The following EXOC4 variants were observed in gnomAD, a reference collection of about 807,000 sequenced individuals.
EXOC4 encodes SEC8-like 1.
In EXOC4, 71 loss-of-function variants were observed where a neutral mutation model predicts 107.2. The observed-to-expected ratio is 0.66, with a 90% CI of 0.55 to 0.81. The LOEUF is 0.81. EXOC4 is among the 30% of genes least tolerant of loss of function. The probability of loss-of-function intolerance (pLI) is 0.00; values close to 1 mark genes in which losing one functional copy is unlikely to be tolerated. For missense variants in EXOC4, 1,108 were observed against 1,189.6 expected (o/e 0.93, Z 1.01); for synonymous variants, 456 against 441.2 (o/e 1.03, Z -0.42).
chr7:133,814,557 G>T (rs1321049852), intron 10 of EXOC4, among the ~76,000 whole-genome samples: 4 of 152,070 alleles, frequency 2.6e-5, no homozygotes, highest in Non-Finnish European at 5.9e-5. Context: ...GAGATTTCTG[G>T]GCGATAAAGA....
intron 9 of EXOC4, among the ~76,000 whole-genome samples, chr7:133,568,157 A>G (rs970807887): frequency 5.3e-5 from 8 of 151,918 alleles, no homozygotes; most frequent in African/African-American, 1.7e-4. Context: ...AGAACTTTTT[A>G]TATTTCCTTT....
chr7:133,563,828 G>A (rs1800856401), intron 9 of EXOC4, among the ~76,000 whole-genome samples: 1 of 152,156 alleles, frequency 6.6e-6, no homozygotes, highest in South Asian at 2.1e-4. Flanking sequence ...ATAGAAATTT[G>A]TTTCTACAGA....
At chr7:133,455,949 C>A (rs977926233) in intron 7 of EXOC4, among the ~76,000 whole-genome samples, 1 of 152,192 alleles carries the variant, frequency 6.6e-6, no homozygotes, top group African/African-American at 2.4e-5. Flanking sequence ...GGTTTACCCT[C>A]TGAGAAAATA....
intron 14 of EXOC4, among the ~76,000 whole-genome samples, chr7:133,957,746 A>C (rs1800848321): frequency 6.6e-6 from 1 of 152,226 alleles, no homozygotes; most frequent in Admixed American, 6.5e-5. Context: ...CAGTTGAGAA[A>C]TGCATCCCAG....
chr7:133,511,382 G>A (rs951639981), intron 9 of EXOC4, among the ~76,000 whole-genome samples: 3 of 152,102 alleles, frequency 2.0e-5, no homozygotes, highest in Non-Finnish European at 4.4e-5. Flanking sequence ...ATATATGGGG[G>A]AAACTAATGA....
At chr7:133,610,862 C>CG (rs994890372) in intron 9 of EXOC4, among the ~76,000 whole-genome samples, 23 of 150,800 alleles carry the variant, frequency 1.5e-4, no homozygotes, top group African/African-American at 5.4e-4. Context: ...CCCAGGTTGC[C>CG]GTGCAGTGAC....
chr7:133,531,692 C>T (rs1367865808), intron 9 of EXOC4, among the ~76,000 whole-genome samples: 1 of 152,026 alleles, frequency 6.6e-6, no homozygotes, highest in Non-Finnish European at 1.5e-5. Flanking sequence ...TACATAAATC[C>T]TCCTTGGATT....
At chr7:134,012,257 G>A (rs1162234680) in intron 17 of EXOC4, among the ~76,000 whole-genome samples, 2 of 152,180 alleles carry the variant, frequency 1.3e-5, no homozygotes, top group Non-Finnish European at 2.9e-5. Context: ...GGGAGGGGAG[G>A]TTGTAGGCAA....
chr7:133,382,965 G>A (rs940880398), intron 7 of EXOC4, among the ~76,000 whole-genome samples: 1 of 152,178 alleles, frequency 6.6e-6, no homozygotes, highest in African/African-American at 2.4e-5. Context: ...GGGTGTTATA[G>A]TTTTTCCCTG....
At chr7:133,427,450 A>G (rs935153360) in intron 7 of EXOC4, among the ~76,000 whole-genome samples, 3 of 152,226 alleles carry the variant, frequency 2.0e-5, no homozygotes, top group African/African-American at 7.2e-5. Context: ...TCTGTTGTTC[A>G]TAAAGCAGTA....
chr7:133,384,419 G>T (rs1295391544), intron 7 of EXOC4, among the ~76,000 whole-genome samples: 25 of 152,122 alleles, frequency 1.6e-4, no homozygotes, highest in Non-Finnish European at 1.5e-5. Context: ...TGATATTTTA[G>T]AGGGTGAACT....
intron 9 of EXOC4, among the ~76,000 whole-genome samples, chr7:133,488,297 T>TA (rs1409256413): frequency 1.3e-5 from 2 of 152,212 alleles, no homozygotes; most frequent in Non-Finnish European, 2.9e-5. Flanking sequence ...TAGTGCTTTT[T>TA]AAATTCATTT....
At chr7:133,638,878 T>G (rs1400324658) in intron 10 of EXOC4, among the ~76,000 whole-genome samples, 1 of 152,194 alleles carries the variant, frequency 6.6e-6, no homozygotes, top group Non-Finnish European at 1.5e-5. Context: ...ATCAATTATT[T>G]TTTTTTATTA....
chr7:133,849,764 G>GT (rs1798204108), intron 11 of EXOC4, among the ~76,000 whole-genome samples: 1 of 152,108 alleles, frequency 6.6e-6, no homozygotes, highest in Non-Finnish European at 1.5e-5. Flanking sequence ...TGCCTAACAC[G>GT]TAGTAGGTAC....
intron 4 of EXOC4, among the ~76,000 whole-genome samples, chr7:133,306,486 C>G (rs191724601): frequency 1.3e-5 from 2 of 151,956 alleles, no homozygotes; most frequent in Non-Finnish European, 2.9e-5. Context: ...TTGCATGAGC[C>G]CAAGAGTTCA....
chr7:134,062,099 G>C (rs1249248673), intron 17 of EXOC4, among the ~76,000 whole-genome samples: 1 of 152,102 alleles, frequency 6.6e-6, no homozygotes. Context: ...ATGAACACTC[G>C]TTTAAAACCA....
chr7:133,356,179 G>A (rs1422666375), intron 5 of EXOC4, 151 bp from the exon 6 acceptor site: 29 of 747,824 alleles, frequency 3.9e-5, no homozygotes, highest in Non-Finnish European at 6.1e-5. Context: ...GTGACTTTTG[G>A]ATGGTTACTG....
chr7:133,276,168 T>C (rs1793986831), intron 2 of EXOC4, among the ~76,000 whole-genome samples: 1 of 152,136 alleles, frequency 6.6e-6, no homozygotes, highest in African/African-American at 2.4e-5. Context: ...TCCCCTACTT[T>C]CTTCCTTTTG....
chr7:133,732,622 C>T (rs532491152), intron 10 of EXOC4: 1 of 153,766 alleles, frequency 6.5e-6, no homozygotes, highest in African/African-American at 2.4e-5. Context: ...CCAATTCAAA[C>T]TTGGGCTTAG....
Sources: allele counts gnomAD v4.1 joint callset (sites outside exome capture counted in the v4.1 genomes callset), GRCh38; gene constraint gnomAD v4.1.1; transcripts MANE v1.5; gene names NCBI Gene and HGNC (gene_info 2026-07-23, HGNC 2026-07-21).